The following DLGAP2 variants were observed in gnomAD, a reference collection of about 807,000 sequenced individuals.
The protein encoded by DLGAP2 is DLG associated protein 2.
Under a neutral mutation model 100.3 loss-of-function variants are expected in DLGAP2, and 26 were observed. The observed-to-expected ratio is 0.26, with a 90% CI of 0.19 to 0.36. The LOEUF is 0.36. Ranked by LOEUF, DLGAP2 falls within the 10% of genes least tolerant of loss-of-function variation. The pLI is 1.00. For synonymous variants in DLGAP2, 886 were observed against 630.1 expected (o/e 1.41, Z -6.08); for missense variants, 1,858 against 1,453.2 (o/e 1.28, Z -4.53).
chr8:1,472,293 G>A (rs748406669), intron 3 of DLGAP2, among the ~76,000 whole-genome samples: 2 of 152,212 alleles, frequency 1.3e-5, no homozygotes, highest in Non-Finnish European at 2.9e-5. Flanking sequence ...CGGAGCAGGA[G>A]AGGACGCAGC....
intron 5 of DLGAP2, among the ~76,000 whole-genome samples, chr8:1,555,766 C>G (rs1801943829): frequency 6.6e-6 from 1 of 152,190 alleles, no homozygotes; most frequent in African/African-American, 2.4e-5. Flanking sequence ...ATCTTAGGAC[C>G]CAACACATTC....
At chr8:1,536,839 C>G (rs375562860) in intron 4 of DLGAP2, among the ~76,000 whole-genome samples, 10 of 152,158 alleles carry the variant, frequency 6.6e-5, no homozygotes, top group African/African-American at 2.4e-4. Flanking sequence ...GAACTAATTC[C>G]TCCCTGTAGG....
intron 2 of DLGAP2, among the ~76,000 whole-genome samples, chr8:924,681 C>G (rs913302031): frequency 3.3e-5 from 5 of 151,884 alleles, no homozygotes; most frequent in African/African-American, 4.8e-5. Context: ...CTCCTGGATT[C>G]AAGGGATTTT....
intron 5 of DLGAP2, among the ~76,000 whole-genome samples, chr8:1,561,578 G>T (rs1398933761): frequency 6.6e-6 from 1 of 152,162 alleles, no homozygotes; most frequent in Non-Finnish European, 1.5e-5. Flanking sequence ...TGGTGCTAGG[G>T]TGTCACTGTG....
At chr8:1,170,185 T>A (rs1210611535) in intron 2 of DLGAP2, among the ~76,000 whole-genome samples, 1 of 152,228 alleles carries the variant, frequency 6.6e-6, no homozygotes, top group African/African-American at 2.4e-5. Context: ...TGGATTACAT[T>A]TATTGATTTG....
chr8:766,170 A>G (rs1468819346), intron 1 of DLGAP2, among the ~76,000 whole-genome samples: 2 of 152,186 alleles, frequency 1.3e-5, no homozygotes, highest in Non-Finnish European at 1.5e-5. Context: ...CTGTCTCAAA[A>G]AAACAAAAAA....
chr8:1,165,624 C>T (rs759609442), intron 2 of DLGAP2, among the ~76,000 whole-genome samples: 2 of 152,330 alleles, frequency 1.3e-5, no homozygotes, highest in Admixed American at 6.5e-5. Flanking sequence ...GCAGTCGCTG[C>T]GTGTGACTGT....
chr8:1,197,039 G>A (rs1797766452), intron 2 of DLGAP2, among the ~76,000 whole-genome samples: 1 of 152,172 alleles, frequency 6.6e-6, no homozygotes, highest in Non-Finnish European at 1.5e-5. Context: ...TGGTCAGGAG[G>A]AGATGGAGGC....
intron 2 of DLGAP2, among the ~76,000 whole-genome samples, chr8:1,218,731 T>C (rs1798260355): frequency 6.6e-6 from 1 of 152,174 alleles, no homozygotes; most frequent in African/African-American, 2.4e-5. Flanking sequence ...AGTATGGCCA[T>C]TTTACAATAT....
chr8:1,277,305 CTG>C (rs1281139990), intron 3 of DLGAP2, among the ~76,000 whole-genome samples: 3 of 152,142 alleles, frequency 2.0e-5, no homozygotes, highest in Admixed American at 1.3e-4. Context: ...TATTTGGTAA[CTG>C]TATTTTTTTG....
In DLGAP2 at chr8:865,556, A is replaced by C. The variant is rs190127248; in HGVS notation, c.19-42356A>C. ...TGACTTCCAAAATCTATAATTCTTC[A>C]TCTGCCTTCTCATCCTTTTCCTTCC... On this transcript the variant is annotated intron_variant, in intron 1 of 14. Coordinates refer to ENST00000637795, the MANE Select transcript of DLGAP2 (RefSeq NM_001346810.2). Among the ~76,000 whole-genome samples, 594 of 152,258 alleles carry C rather than the reference A, an allele frequency of 3.9e-3. 3 individuals carry two copies. Among genetic ancestry groups the C allele is most frequent in the Middle Eastern group, 0.01 (3 of 294 alleles).
Position 1,349,204 on chromosome 8 carries a change from T to G in DLGAP2, c.106+90321T>G, listed in dbSNP as rs1465653397. ...ACACAGCTGTGTCGTACGCTCACAT[T>G]AAATATTAAAATGTGGTATTAATGT... On this transcript the variant is annotated intron_variant, in intron 3 of 14. Coordinates refer to ENST00000637795, the MANE Select transcript of DLGAP2 (RefSeq NM_001346810.2). 2.0e-5 allele frequency among the ~76,000 whole-genome samples: 3 copies of G among 150,852 alleles called. No homozygotes were observed. In the East Asian group the frequency reaches 5.9e-4, roughly 30 times the overall value.
intron 3 of DLGAP2, among the ~76,000 whole-genome samples, chr8:1,266,908 G>A (rs1799462143): frequency 6.6e-6 from 1 of 152,118 alleles, no homozygotes; most frequent in African/African-American, 2.4e-5. Flanking sequence ...TGCACACTCA[G>A]TGGGGAGAGG....
At chr8:842,703 C>A (rs1369232869) in intron 1 of DLGAP2, among the ~76,000 whole-genome samples, 1 of 152,132 alleles carries the variant, frequency 6.6e-6, no homozygotes, top group Non-Finnish European at 1.5e-5. Context: ...TTTTGCCTGT[C>A]TAATATTTGC....
intron 2 of DLGAP2, among the ~76,000 whole-genome samples, chr8:1,240,012 C>G (rs1181959716): frequency 2.0e-5 from 3 of 150,484 alleles, no homozygotes; most frequent in Non-Finnish European, 4.4e-5. Flanking sequence ...AGCATCGTGT[C>G]TAGTTCTCTC....
intron 2 of DLGAP2, among the ~76,000 whole-genome samples, chr8:1,212,599 G>T (rs562347052): frequency 1.3e-5 from 2 of 152,110 alleles, no homozygotes; most frequent in East Asian, 3.9e-4. Context: ...GAATGAGGAG[G>T]CAGACGTGGT....
chr8:1,161,774 T>C (rs541932278), intron 2 of DLGAP2, among the ~76,000 whole-genome samples: 52 of 151,342 alleles, frequency 3.4e-4, no homozygotes, highest in African/African-American at 1.2e-3. Flanking sequence ...GGTGCCATGG[T>C]GCACCCACGG....
chr8:1,199,722 C>T (rs1797829091), intron 2 of DLGAP2, among the ~76,000 whole-genome samples: 3 of 152,068 alleles, frequency 2.0e-5, no homozygotes, highest in Admixed American at 1.3e-4. Flanking sequence ...CTCACTCGGG[C>T]TGAATGTTTG....
chr8:1,285,269 T>C (rs578179115), intron 3 of DLGAP2, among the ~76,000 whole-genome samples: 22 of 152,342 alleles, frequency 1.4e-4, no homozygotes, highest in African/African-American at 5.1e-4. Flanking sequence ...ATATCTACCA[T>C]ATGAATTGTT....
Sources: gnomAD v4.1 joint callset for allele counts (sites outside exome capture counted in the v4.1 genomes callset) on GRCh38, gnomAD v4.1.1 for gene constraint, MANE v1.5 for transcripts, NCBI Gene and HGNC (gene_info 2026-07-23, HGNC 2026-07-21) for gene names.